DAGLB: variants seen among roughly 807,000 people sequenced by gnomAD.
DAGLB encodes the protein diacylglycerol lipase beta, also known as diacylglycerol lipase-beta.
DAGLB carries 66 observed loss-of-function variants against 72.1 expected under a neutral mutation model. That is an observed-to-expected ratio of 0.92 (90% CI 0.75 to 1.12). The LOEUF (loss-of-function observed/expected upper bound fraction) is 1.12, where lower values mean the gene tolerates loss of function less well. Among genes scored for constraint, DAGLB ranks in the 50% most tolerant of loss-of-function variants. DAGLB has a pLI of 0.00. For synonymous variants in DAGLB, 414 were observed against 359.5 expected (o/e 1.15, Z -1.71); for missense variants, 1,065 against 884.9 (o/e 1.20, Z -2.58).
chr7:6,436,405 C>G lies in DAGLB; in HGVS notation c.376G>C (p.Asp126His). 6.2e-7 allele frequency: 1 copy of G among 1,613,974 alleles called. No homozygotes were observed. The highest frequency in any genetic ancestry group is 8.5e-7 in the Non-Finnish European group (1 of 1,180,002). The change falls in exon 3 of 15, where the codon GAC (aspartate) becomes CAC (histidine). Residue 126 changes from aspartate (D) to histidine (H), a missense_variant. Coordinates refer to ENST00000297056, the MANE Select transcript of DAGLB (RefSeq NM_139179.4). ...ATGATGCCGTTTACAACTGTCCTGT[C>G]GCACTGAACACCATCTGCCACCCAG... ...AAWVADGVQC[D>H]RTVVNGIIAT...
chr7:6,419,452 G>A (rs746685636), intron 9 of DAGLB, among the ~76,000 whole-genome samples: 1 of 152,134 alleles, frequency 6.6e-6, no homozygotes, highest in Non-Finnish European at 1.5e-5. Flanking sequence ...CTGCTGGCGA[G>A]CCTCCCCGGC....
chr7:6,415,107 G>C (rs555355728), intron 11 of DAGLB, among the ~76,000 whole-genome samples: 1 of 151,612 alleles, frequency 6.6e-6, no homozygotes, highest in African/African-American at 2.4e-5. Context: ...GCTACAGCAA[G>C]CCATGACTGT....
chr7:6,446,794 A>G (rs1250080779), intron 1 of DAGLB, among the ~76,000 whole-genome samples: 2 of 152,086 alleles, frequency 1.3e-5, no homozygotes, highest in Admixed American at 6.5e-5. Context: ...GGATCACTTG[A>G]GCACAAGAGT....
chr7:6,430,629 T>C, intron 5 of DAGLB, 22 bp from the exon 6 acceptor site: 1 of 1,563,412 alleles, frequency 6.4e-7, no homozygotes, highest in Non-Finnish European at 8.7e-7. Flanking sequence ...GGACAAAAAC[T>C]ACTGTTTATT....
At position 6,410,142 on chromosome 7, in the gene DAGLB, C is replaced by T; in HGVS notation, c.1808G>A (p.Gly603Asp). The T allele has an allele frequency of 6.4e-7, 1 of 1,574,368 alleles. No homozygotes were observed. Among genetic ancestry groups the T allele is most frequent in the Non-Finnish European group, 8.6e-7 (1 of 1,157,006 alleles). Residue 603 changes from glycine to aspartate, a missense_variant, in exon 14 of 15, where the codon GGC (glycine) becomes GAC (aspartate). Physicochemically the swap from Gly to Asp is moderately conservative, Grantham distance 94. Transcript: ENST00000297056. ...PGRIIHLQEEGASGRFGCCSA... is the reference protein window; with the variant it reads ...PGRIIHLQEEDASGRFGCCSA... ...ACGCCGCACTCACCGCCCCGAGGCG[C>T]CCTCCTCCTGCAGGTGGATGATCCT...
At chr7:6,435,073 G>A (rs1784612063) in intron 3 of DAGLB, 53 bp from the exon 4 acceptor site, 7 of 1,592,964 alleles carry the variant, frequency 4.4e-6, no homozygotes, top group Admixed American at 3.4e-5. Flanking sequence ...CAGCCCAGAC[G>A]CAGATGTCCG....
intron 3 of DAGLB, 84 bp downstream of exon 3, chr7:6,436,278 G>A (rs1303800209): frequency 1.3e-5 from 19 of 1,491,326 alleles, no homozygotes; most frequent in African/African-American, 1.4e-5. Flanking sequence ...TCCGAGGGAC[G>A]CTGGACTCTC....
rs1784135233 is a variant in DAGLB, at chr7:6,421,808, T to C, written c.1141-4A>G. 6.2e-7 allele frequency: 1 copy of C among 1,612,294 alleles called. No homozygotes were observed. The highest frequency in any genetic ancestry group is 8.5e-7 in the Non-Finnish European group (1 of 1,179,230). On this transcript the variant is annotated splice_polypyrimidine_tract_variant and splice_region_variant and intron_variant, in intron 8 of 14. Coordinates refer to ENST00000297056, the MANE Select transcript of DAGLB (RefSeq NM_139179.4). The stretch of plus-strand genomic sequence containing the variant: ...CTGACAGGTCCGTAAGGACATCCTG[T>C]AAAAAGGGCGTTGCAGAAGCGGCCG...
chr7:6,416,857 G>A lies in DAGLB; in HGVS notation c.1283C>T (p.Ala428Val). ...RLINDGILSQ[A>V]FSIAPEYRLV... ...AGATCTCACAGGAGCAATGCTGAAG[G>A]CTTGGCTCAAAATCCCGTCGTTGAT... is the stretch of plus-strand genomic sequence containing the variant. The change falls in exon 10 of 15, where the codon GCC (alanine) becomes GTC (valine). Residue 428 changes from alanine to valine, a missense_variant. By Grantham distance (64) the Ala-to-Val change is moderately conservative. Coordinates refer to ENST00000297056, the MANE Select transcript of DAGLB (RefSeq NM_139179.4). 3 of 1,614,242 alleles carry A rather than the reference G, an allele frequency of 1.9e-6. No homozygotes were observed. The highest frequency in any genetic ancestry group is 2.5e-6 in the Non-Finnish European group (3 of 1,180,048).
intron 5 of DAGLB, among the ~76,000 whole-genome samples, chr7:6,431,774 T>C (rs755312836): frequency 1.3e-5 from 2 of 151,660 alleles, no homozygotes; most frequent in African/African-American, 2.4e-5. Context: ...TCTCAAAAAA[T>C]AAAATAAAAA....
rs373616361 is a variant in DAGLB, at chr7:6,424,810, G to A, written c.1082C>T (p.Ala361Val). ...AACAGACTCTTTCCTGTGATCCAGAGCCACTAAAAACGGCAGCTCGTAAAC... is the reference window on the plus strand; with the variant it reads ...AACAGACTCTTTCCTGTGATCCAGAACCACTAAAAACGGCAGCTCGTAAAC... ...DKVYELPFLV[A>V]LDHRKESVVV... The change falls in exon 8 of 15, where the codon GCT becomes GTT. Residue 361 changes from alanine (A) to valine (V), a missense_variant. Coordinates refer to ENST00000297056, the MANE Select transcript of DAGLB (RefSeq NM_139179.4). 1 of 1,613,888 alleles carries A rather than the reference G, an allele frequency of 6.2e-7. No homozygotes were observed. The highest frequency in any genetic ancestry group is 8.5e-7 in the Non-Finnish European group (1 of 1,179,844).
intron 4 of DAGLB, among the ~76,000 whole-genome samples, 182 bp downstream of exon 4, chr7:6,434,580 T>A (rs538141586): frequency 5.6e-4 from 86 of 152,238 alleles, no homozygotes; most frequent in Non-Finnish European, 1.0e-3. Context: ...TGAGAAGGTG[T>A]GGCTCTTGCA....
At chr7:6,420,832 A>C (rs1784090271) in intron 9 of DAGLB, among the ~76,000 whole-genome samples, 1 of 152,174 alleles carries the variant, frequency 6.6e-6, no homozygotes, top group Non-Finnish European at 1.5e-5. Flanking sequence ...CACCCATAGC[A>C]CAGTGAGCAT....
At chr7:6,440,582 G>A (rs1784796987) in intron 2 of DAGLB, among the ~76,000 whole-genome samples, 1 of 151,840 alleles carries the variant, frequency 6.6e-6, no homozygotes, top group African/African-American at 2.4e-5. Context: ...CTTGATTTAC[G>A]AAACAAAAGG....
chr7:6,416,549 A>AT, intron 11 of DAGLB, 78 bp downstream of exon 11: 1 of 1,512,178 alleles, frequency 6.6e-7, no homozygotes, highest in Admixed American at 2.3e-5. Context: ...TCTCAGGAAA[A>AT]TAAAAGAAAA....
At chr7:6,419,649 T>C (rs1458856868) in intron 9 of DAGLB, among the ~76,000 whole-genome samples, 3 of 152,174 alleles carry the variant, frequency 2.0e-5, no homozygotes, top group Admixed American at 6.5e-5. Flanking sequence ...AACCCAGCAC[T>C]TGGGGGCCTC....
chr7:6,415,511 G>C (rs781249374), intron 11 of DAGLB, among the ~76,000 whole-genome samples: 1 of 150,432 alleles, frequency 6.6e-6, no homozygotes, highest in Non-Finnish European at 1.5e-5. Context: ...AGGTTACACA[G>C]AACAGTCAGT....
chr7:6,435,470 G>C (rs1387924420), intron 3 of DAGLB: 1 of 153,974 alleles, frequency 6.5e-6, no homozygotes, highest in African/African-American at 2.5e-5. Flanking sequence ...GGGCGACAGA[G>C]GGAGACTCCG....
Position 6,436,224 on chromosome 7 carries a change from G to GCGT in DAGLB, c.419+137_419+138insACG. On this transcript the variant is annotated intron_variant, in intron 3 of 14. Coordinates refer to ENST00000297056, the MANE Select transcript of DAGLB (RefSeq NM_139179.4). Reference sequence around the variant, plus strand: ...ACAAACAGTGTCTCTAAATTTTCATGAGTTACGCAGAAACTAACTCCAATT... The same window carrying GCGT: ...ACAAACAGTGTCTCTAAATTTTCATGCGTAGTTACGCAGAAACTAACTCCAATT... 2.8e-6 allele frequency: 3 copies of GCGT among 1,074,696 alleles called. No homozygotes were observed. The South Asian group carries it at 5.3e-5, about 19-fold the overall frequency. 66.6% of individuals were successfully genotyped at this position (1,074,696 alleles called of 1,614,324 possible).
Sources: allele counts gnomAD v4.1 joint callset (sites outside exome capture counted in the v4.1 genomes callset), GRCh38; gene constraint gnomAD v4.1.1; transcripts MANE v1.5; gene names NCBI Gene and HGNC (gene_info 2026-07-23, HGNC 2026-07-21).